The following EHD1 variants were observed in gnomAD, a reference collection of about 807,000 sequenced individuals.
The protein encoded by EHD1 is EH domain-containing protein 1.
EHD1 carries 19 observed loss-of-function variants against 39.0 expected under a neutral mutation model. The ratio of observed to expected loss-of-function variants is 0.49; its 90% confidence interval spans 0.34 to 0.72. EHD1 has a LOEUF of 0.72. Among genes scored for constraint, EHD1 ranks in the 30% least tolerant of loss-of-function variants. The probability of loss-of-function intolerance (pLI) is 0.01; values close to 1 mark genes in which losing one functional copy is unlikely to be tolerated. For synonymous variants in EHD1, 323 were observed against 331.2 expected (o/e 0.98, Z 0.27); for missense variants, 542 against 751.5 (o/e 0.72, Z 3.26).
At chr11:64,877,149 G>A (rs1033949815) in intron 1 of EHD1, among the ~76,000 whole-genome samples, 54 of 152,336 alleles carry the variant, frequency 3.5e-4, no homozygotes, top group African/African-American at 1.3e-3. Context: ...AAGTACTTTG[G>A]TATGTCGCCT....
In EHD1 at chr11:64,854,763, C is replaced by T. The variant is rs368134228; in HGVS notation, c.1175G>A (p.Arg392Gln). The part of the protein sequence containing the change: ...VDDMLANDIA[R>Q]LMVMVRQEES... ...CTCCTGCCGCACCATCACCATCAGC[C>T]GCGCGATGTCGTTGGCCAGCATGTC... The change falls in exon 5 of 5, where the codon CGG becomes CAG. Residue 392 changes from arginine to glutamine, a missense_variant. Arg to Gln is a conservative substitution (Grantham distance 43). Transcript: ENST00000320631. The T allele has an allele frequency of 3.2e-5, 52 of 1,609,334 alleles. No individual in the cohort carries two copies. Among genetic ancestry groups the T allele is most frequent in the Admixed American group, 1.3e-4 (8 of 59,990 alleles).
At position 64,854,342 on chromosome 11, in the gene EHD1, T is replaced by G; in HGVS notation, c.1596A>C (p.Arg532Ser). 1 of 1,607,478 alleles carries G rather than the reference T, an allele frequency of 6.2e-7. No individual in the cohort carries two copies. The highest frequency in any genetic ancestry group is 8.5e-7 in the Non-Finnish European group (1 of 1,177,964). ...PPHLVPPSKR[R>S]HE is the part of the protein sequence containing the mutation. ...GCGGGGCCGGGCGCCATCACTCATG[T>G]CTGCGCTTGGAGGGCGGCACCAGGT... Residue 532 changes from arginine (R) to serine (S), a missense_variant, in exon 5 of 5, where the codon AGA (arginine) becomes AGC (serine). Arg to Ser is a moderately radical substitution (Grantham distance 110). Coordinates refer to ENST00000320631, the MANE Select transcript of EHD1 (RefSeq NM_006795.4).
At chr11:64,877,232 G>A (rs754984761) in intron 1 of EHD1, among the ~76,000 whole-genome samples, 2 of 152,116 alleles carry the variant, frequency 1.3e-5, no homozygotes, top group African/African-American at 2.4e-5. Context: ...CTTGAGGGGC[G>A]GGAGCACTGT....
chr11:64,877,520 GC>G (rs905583074), intron 1 of EHD1, among the ~76,000 whole-genome samples: 4 of 152,292 alleles, frequency 2.6e-5, no homozygotes, highest in East Asian at 1.9e-4. Flanking sequence ...CCAAGGGGCT[GC>G]CCCAAAGTCA....
intron 1 of EHD1, among the ~76,000 whole-genome samples, chr11:64,876,717 C>T (rs368056002): frequency 6.6e-6 from 1 of 152,212 alleles, no homozygotes; most frequent in African/African-American, 2.4e-5. Flanking sequence ...AAACTCTAGG[C>T]TTCCAAATTC....
intron 1 of EHD1, among the ~76,000 whole-genome samples, chr11:64,875,924 T>C (rs908410425): frequency 3.9e-5 from 6 of 152,180 alleles, no homozygotes; most frequent in Non-Finnish European, 7.3e-5. Flanking sequence ...GAATTGGCTC[T>C]GGGAAATCAC....
chr11:64,875,938 C>T (rs1317984189), intron 1 of EHD1, among the ~76,000 whole-genome samples: 1 of 152,172 alleles, frequency 6.6e-6, no homozygotes. Flanking sequence ...AAATCACATA[C>T]ATAAAAATGC....
At chr11:64,863,954 G>A (rs1592748923) in intron 2 of EHD1, among the ~76,000 whole-genome samples, 1 of 152,384 alleles carries the variant, frequency 6.6e-6, no homozygotes, top group South Asian at 2.1e-4. Context: ...TGGGGCAGGG[G>A]AAGCCAGGGC....
At chr11:64,873,656 G>A (rs1287849781) in intron 2 of EHD1, among the ~76,000 whole-genome samples, 1 of 151,788 alleles carries the variant, frequency 6.6e-6, no homozygotes, top group Admixed American at 6.6e-5. Context: ...GGAGGCTGAT[G>A]TAAAATGGGT....
chr11:64,874,063 T>C (rs1943859002), intron 2 of EHD1, among the ~76,000 whole-genome samples: 1 of 150,360 alleles, frequency 6.7e-6, no homozygotes, highest in African/African-American at 2.4e-5. Context: ...CCCAGCACTT[T>C]GGGAGGCCAA....
chr11:64,879,460 C>A, upstream of EHD1: 1 of 1,274,284 alleles, frequency 7.8e-7, no homozygotes, highest in Non-Finnish European at 1.1e-6. Context: ...ATCGGAAATT[C>A]CCTATGTGGG....
chr11:64,877,876 C>T, intron 1 of EHD1, 185 bp downstream of exon 1: 1 of 529,448 alleles, frequency 1.9e-6, no homozygotes, highest in Non-Finnish European at 3.0e-6. Context: ...AACGCCCACT[C>T]TTAGACCCCC....
chr11:64,874,346 G>A (rs1943862744), intron 2 of EHD1, 75 bp downstream of exon 2: 7 of 1,081,670 alleles, frequency 6.5e-6, no homozygotes, highest in Non-Finnish European at 9.4e-6. Flanking sequence ...GGCAGCATCT[G>A]AACCAAGTTG....
chr11:64,855,071 G>C (rs962849545), intron 4 of EHD1: 4 of 829,062 alleles, frequency 4.8e-6, no homozygotes, highest in African/African-American at 1.7e-5. Context: ...AGGATTCATG[G>C]ACAGGGCACC....
At position 64,878,214 on chromosome 11, in the gene EHD1, G is replaced by A. The variant is rs1229517334; in HGVS notation, c.251C>T (p.Pro84Leu). The A allele has an allele frequency of 2.5e-6, 4 of 1,612,692 alleles. No homozygotes were observed. Among genetic ancestry groups the A allele is most frequent in the East Asian group, 2.2e-5 (1 of 44,790 alleles). Residue 84 changes from proline (P) to leucine (L), a missense_variant, in exon 1 of 5, where the codon CCG becomes CTG. Pro to Leu is a moderately conservative substitution (Grantham distance 98). Coordinates refer to ENST00000320631, the MANE Select transcript of EHD1 (RefSeq NM_006795.4). ...FIRHLIEQDFPGMRIGPEPTT... is the reference protein window; with the variant it reads ...FIRHLIEQDFLGMRIGPEPTT... ...GGGCTCGGGCCCGATGCGCATCCCC[G>A]GGAAGTCCTGCTCGATCAGGTGTCG...
At chr11:64,879,059 G>C, upstream of EHD1, 1 of 999,428 alleles carries the variant, frequency 1.0e-6, no homozygotes, top group Non-Finnish European at 1.2e-6. Context: ...AGCTGGCTCG[G>C]AATCCCCGGA....
intron 2 of EHD1, among the ~76,000 whole-genome samples, chr11:64,869,864 C>G (rs915719661): frequency 1.3e-5 from 2 of 152,192 alleles, no homozygotes; most frequent in African/African-American, 4.8e-5. Context: ...CAGGAGGTGT[C>G]GGCAGGAAGT....
chr11:64,863,365 G>A (rs1943734587), intron 2 of EHD1, among the ~76,000 whole-genome samples: 4 of 152,320 alleles, frequency 2.6e-5, no homozygotes, highest in South Asian at 2.1e-4. Flanking sequence ...AGGACAAAGC[G>A]TTAAGGAAAA....
Position 64,854,165 on chromosome 11 carries a change from C to A in EHD1, c.*168G>T, listed in dbSNP as rs565074634. On this transcript the variant is annotated 3_prime_UTR_variant, in exon 5 of 5. Transcript: ENST00000320631. Reference sequence around the variant, plus strand: ...TCCATCCTCTCACCCCTGCCTCCCCCGCCAGGCCCAGGAACAGCCTTAAAA... The same window carrying A: ...TCCATCCTCTCACCCCTGCCTCCCCAGCCAGGCCCAGGAACAGCCTTAAAA... 2 of 1,207,944 alleles carry A rather than the reference C, an allele frequency of 1.7e-6. No homozygotes were observed. The highest frequency in any genetic ancestry group is 1.6e-5 in the South Asian group (1 of 62,256). The allele number at this position is 1,207,944 out of a possible 1,614,324, so 74.8% of individuals were successfully genotyped here.
Sources: gnomAD v4.1 joint callset for allele counts (sites outside exome capture counted in the v4.1 genomes callset) on GRCh38, gnomAD v4.1.1 for gene constraint, MANE v1.5 for transcripts, NCBI Gene and HGNC (gene_info 2026-07-23, HGNC 2026-07-21) for gene names.